PDE1C: variants seen among roughly 807,000 people sequenced by gnomAD.
PDE1C encodes the protein phosphodiesterase 1C.
Under a neutral mutation model 93.1 loss-of-function variants are expected in PDE1C, and 62 were observed. The observed-to-expected ratio is 0.67, with a 90% CI of 0.54 to 0.82. The LOEUF (loss-of-function observed/expected upper bound fraction) is 0.82. Ranked by LOEUF, PDE1C falls within the 40% of genes least tolerant of loss-of-function variation. PDE1C has a pLI of 0.00. For missense variants in PDE1C, 742 were observed against 884.6 expected (o/e 0.84, Z 2.04); for synonymous variants, 325 against 310.1 (o/e 1.05, Z -0.50).
At chr7:32,253,702 T>C (rs1809561468) in intron 1 of PDE1C, among the ~76,000 whole-genome samples, 1 of 152,176 alleles carries the variant, frequency 6.6e-6, no homozygotes, top group Non-Finnish European at 1.5e-5. Flanking sequence ...GAGCTAGATA[T>C]GGAGGTTACA....
chr7:32,070,223 A>T, intron 1 of PDE1C, 70 bp downstream of exon 1: 1 of 1,604,748 alleles, frequency 6.2e-7, no homozygotes, highest in Non-Finnish European at 8.5e-7. Flanking sequence ...AGCAGTCGTG[A>T]CTGCGGCTGT....
At chr7:32,283,507 G>A (rs537843080) in intron 1 of PDE1C, among the ~76,000 whole-genome samples, 4 of 152,296 alleles carry the variant, frequency 2.6e-5, no homozygotes, top group Admixed American at 1.3e-4. Flanking sequence ...TAGTAACAAT[G>A]GTAGTAATAG....
chr7:31,645,287 T>C, the PDE1C span, among the ~76,000 whole-genome samples: 6 of 152,314 alleles, frequency 3.9e-5, no homozygotes, highest in South Asian at 2.1e-4. Flanking sequence ...TTTCAATGTA[T>C]AGAAATCACA....
chr7:31,812,733 T>A (rs1223960839), intron 15 of PDE1C, among the ~76,000 whole-genome samples: 2 of 152,144 alleles, frequency 1.3e-5, no homozygotes, highest in African/African-American at 4.8e-5. Flanking sequence ...TACTATCTTG[T>A]CCCTTATAGA....
intron 2 of PDE1C, among the ~76,000 whole-genome samples, chr7:31,940,874 C>T (rs1212601373): frequency 6.6e-6 from 1 of 152,034 alleles, no homozygotes; most frequent in Non-Finnish European, 1.5e-5. Flanking sequence ...CAAGTCATTG[C>T]CATCCTTGCC....
chr7:31,881,641 G>A (rs890376748), intron 2 of PDE1C, among the ~76,000 whole-genome samples: 2 of 152,168 alleles, frequency 1.3e-5, no homozygotes, highest in African/African-American at 4.8e-5. Context: ...CAGGCTGTTT[G>A]ATAACCAGCA....
At chr7:31,847,580 C>T (rs903055917) in intron 9 of PDE1C, among the ~76,000 whole-genome samples, 1 of 151,924 alleles carries the variant, frequency 6.6e-6, no homozygotes, top group Non-Finnish European at 1.5e-5. Context: ...CCAAAGTGTC[C>T]TCAGTTGAAC....
chr7:31,845,644 T>C (rs1182751074), intron 9 of PDE1C, among the ~76,000 whole-genome samples: 1 of 151,946 alleles, frequency 6.6e-6, no homozygotes. Flanking sequence ...TCTGCACACG[T>C]ATCCCAGAAC....
intron 3 of PDE1C, among the ~76,000 whole-genome samples, chr7:32,136,581 T>C (rs1205689453): frequency 4.6e-5 from 7 of 152,138 alleles, no homozygotes; most frequent in Admixed American, 4.6e-4. Flanking sequence ...AAAGAATAAA[T>C]TGGTTCCAAA....
In PDE1C at chr7:31,846,255, G is replaced by A. The variant is rs571660361; in HGVS notation, c.980+1713C>T. 6.2e-3 allele frequency among the ~76,000 whole-genome samples: 856 copies of A among 137,668 alleles called. 8 individuals are homozygous for A. Among genetic ancestry groups the A allele is most frequent in the African/African-American group, 0.022 (820 of 36,572 alleles). The allele number at this position is 137,668 out of a possible 152,430, so 90.3% of individuals were successfully genotyped here. A position where few individuals can be genotyped will look rare whatever the true frequency, so the allele number is the denominator to read the frequency against. On this transcript the variant is annotated intron_variant, in intron 9 of 17. Coordinates refer to ENST00000396191, the MANE Select transcript of PDE1C (RefSeq NM_001191057.4). ...TTTCTTTTTTTTTTTTTTTTGAGAC[G>A]GAGTCTCGCTCTGTCACCCAGGCTC... is the stretch of plus-strand genomic sequence containing the variant.
upstream of PDE1C, among the ~76,000 whole-genome samples, chr7:32,302,859 C>G (rs1214971149): frequency 6.6e-6 from 1 of 152,228 alleles, no homozygotes; most frequent in Non-Finnish European, 1.5e-5. Context: ...ATTCTCCCAA[C>G]AGCCAATAGT....
At chr7:32,222,435 C>G (rs1317092936) in intron 1 of PDE1C, among the ~76,000 whole-genome samples, 1 of 152,174 alleles carries the variant, frequency 6.6e-6, no homozygotes, top group East Asian at 1.9e-4. Context: ...GATAAAGGGC[C>G]AGTCCTGAAG....
chr7:31,813,919 A>T (rs577290707), intron 15 of PDE1C, among the ~76,000 whole-genome samples: 16 of 152,154 alleles, frequency 1.1e-4, no homozygotes, highest in African/African-American at 3.9e-4. Flanking sequence ...TTGGTTTTCC[A>T]TTCCTGAGTT....
the PDE1C span, among the ~76,000 whole-genome samples, chr7:31,631,804 T>C: frequency 2.6e-5 from 4 of 152,260 alleles, no homozygotes; most frequent in African/African-American, 9.6e-5. Context: ...GAGACTCTTC[T>C]GCCTGAGACT....
rs1403944764 is a variant in PDE1C at position 32,420,120 on chromosome 7, T to C, written c.310+7702A>G. ...ATATATATATATATATATATATATA[T>C]ATATACACACACACACACACACACA... On this transcript the variant is annotated intron_variant, in intron 1 of 1. Transcript: ENST00000672256. 6.3e-3 allele frequency among the ~76,000 whole-genome samples: 146 copies of C among 23,136 alleles called. 5 individuals are homozygous for C. The highest frequency in any genetic ancestry group is 0.017 in the African/African-American group (129 of 7,564). The allele number at this position is 23,136 out of a possible 152,430, so 15.2% of individuals were successfully genotyped here. A position where few individuals can be genotyped will look rare whatever the true frequency, so the allele number is the denominator to read the frequency against.
intron 2 of PDE1C, among the ~76,000 whole-genome samples, chr7:31,927,075 C>T (rs1026195479): frequency 1.3e-5 from 2 of 152,194 alleles, no homozygotes; most frequent in Non-Finnish European, 2.9e-5. Flanking sequence ...GAAATTCTCA[C>T]TGCCAGCACA....
chr7:31,871,494 G>C (rs1250930559), intron 6 of PDE1C, among the ~76,000 whole-genome samples: 1 of 151,724 alleles, frequency 6.6e-6, no homozygotes, highest in Non-Finnish European at 1.5e-5. Flanking sequence ...AAAATGTACA[G>C]GAAACTCAAA....
chr7:32,049,197 C>T (rs1185696370), intron 2 of PDE1C, among the ~76,000 whole-genome samples: 3 of 152,118 alleles, frequency 2.0e-5, no homozygotes, highest in Non-Finnish European at 4.4e-5. Flanking sequence ...ACCGTGAGTC[C>T]AACGAACCTG....
intron 2 of PDE1C, among the ~76,000 whole-genome samples, chr7:31,939,996 A>T (rs564533618): frequency 6.6e-6 from 1 of 152,308 alleles, no homozygotes; most frequent in South Asian, 2.1e-4. Context: ...AATCTCCCCA[A>T]ACTAGAGCAA....
Sources: gnomAD v4.1 joint callset for allele counts (sites outside exome capture counted in the v4.1 genomes callset) on GRCh38, gnomAD v4.1.1 for gene constraint, MANE v1.5 for transcripts, NCBI Gene and HGNC (gene_info 2026-07-23, HGNC 2026-07-21) for gene names.